The following UPRT variants were observed in gnomAD, a reference collection of about 807,000 sequenced individuals.
UPRT encodes RP11-311P8.3.
UPRT carries 5 observed loss-of-function variants against 22.6 expected under a neutral mutation model. The ratio of observed to expected loss-of-function variants is 0.22; its 90% CI spans 0.12 to 0.47. The LOEUF is 0.47. UPRT is among the 20% of genes least tolerant of loss of function. The pLI, the probability that UPRT is intolerant of heterozygous loss-of-function variation, is 0.99. For missense variants in UPRT, 181 were observed against 239.9 expected (o/e 0.75, Z 1.62); for synonymous variants, 77 against 87.7 (o/e 0.88, Z 0.68).
chrX:75,206,169 G>A (rs1342412438), intron 4 of UPRT, among the ~76,000 whole-genome samples: 1 of 13,684 alleles, frequency 7.3e-5, no homozygotes, highest in Non-Finnish European at 0.01. Context: ...TTAAACTGGG[G>A]GATAATATGG....
chrX:75,178,821 T>C lies in UPRT; in HGVS notation c.-447+10942T>C, dbSNP rs138500336. Among the ~76,000 whole-genome samples the C allele has an allele frequency of 4.5e-3, 493 of 110,417 alleles. 2 individuals carry two copies. Among genetic ancestry groups the C allele is most frequent in the African/African-American group, 0.015 (466 of 30,319 alleles). On this transcript the variant is annotated intron_variant, in intron 4 of 13. Transcript: ENST00000652605. Reference sequence around the variant, plus strand: ...CAGTAGCAAGATTTATTGTAAAGAGTGAAAGAACAAAGCTTCCACAGTGTG... The same window carrying C: ...CAGTAGCAAGATTTATTGTAAAGAGCGAAAGAACAAAGCTTCCACAGTGTG...
At chrX:75,218,823 G>A (rs963425988) in intron 4 of UPRT, among the ~76,000 whole-genome samples, 2 of 109,035 alleles carry the variant, frequency 1.8e-5, no homozygotes, top group Non-Finnish European at 3.8e-5. Flanking sequence ...TCACTGATAG[G>A]TGGGAATTGA....
At chrX:75,280,034 A>G (rs1269504905) in intron 1 of UPRT, among the ~76,000 whole-genome samples, 1 of 109,944 alleles carries the variant, frequency 9.1e-6, no homozygotes, top group African/African-American at 3.3e-5. Flanking sequence ...TATGTATTCC[A>G]TCATATATAT....
At chrX:75,229,787 G>A (rs2082432730) in intron 4 of UPRT, among the ~76,000 whole-genome samples, 1 of 112,141 alleles carries the variant, frequency 8.9e-6, no homozygotes, top group Admixed American at 9.5e-5. Context: ...GGGAAGGGAT[G>A]GCAGCCAGCA....
At chrX:75,184,382 T>G (rs1306894628) in intron 4 of UPRT, among the ~76,000 whole-genome samples, 31 of 106,444 alleles carry the variant, frequency 2.9e-4, no homozygotes, top group Middle Eastern at 9.6e-3. Context: ...CATTGATCTA[T>G]ATCTCTGTTT....
chrX:75,167,554 T>A (rs1240195400), intron 3 of UPRT, among the ~76,000 whole-genome samples: 1 of 111,996 alleles, frequency 8.9e-6, no homozygotes, highest in African/African-American at 3.2e-5. Flanking sequence ...GGTGAATTGA[T>A]TTTTGTGTAG....
intron 4 of UPRT, among the ~76,000 whole-genome samples, chrX:75,175,369 C>G (rs904328443): frequency 3.6e-5 from 4 of 112,144 alleles, no homozygotes; most frequent in Non-Finnish European, 7.5e-5. Context: ...AGCAAAGTCT[C>G]CCAATTACAA....
chrX:75,295,727 C>A (rs1303647350), intron 2 of UPRT, among the ~76,000 whole-genome samples: 1 of 111,700 alleles, frequency 9.0e-6, no homozygotes, highest in East Asian at 2.8e-4. Context: ...TTTTTGGAGG[C>A]TCTTGTAGTA....
intron 4 of UPRT, among the ~76,000 whole-genome samples, chrX:75,235,745 C>T (rs899948563): frequency 8.9e-6 from 1 of 111,826 alleles, no homozygotes; most frequent in Non-Finnish European, 1.9e-5. Flanking sequence ...CAAAATTCAA[C>T]AACGCTTCAT....
intron 4 of UPRT, among the ~76,000 whole-genome samples, chrX:75,196,965 C>A (rs1002843866): frequency 2.1e-4 from 23 of 111,645 alleles, no homozygotes; most frequent in African/African-American, 7.5e-4. Context: ...AATCGGGCTT[C>A]GTTTTTTGCA....
chrX:75,216,495 T>C (rs914052361), intron 4 of UPRT, among the ~76,000 whole-genome samples: 1 of 112,456 alleles, frequency 8.9e-6, no homozygotes, highest in Non-Finnish European at 1.9e-5. Flanking sequence ...TCGTGGGTTG[T>C]GGTGCTGGTG....
chrX:75,189,106 C>G (rs1241977132), intron 4 of UPRT, among the ~76,000 whole-genome samples: 1 of 112,473 alleles, frequency 8.9e-6, no homozygotes, highest in Non-Finnish European at 1.9e-5. Flanking sequence ...CCTGCTTTCT[C>G]TTGTGGGCAT....
intron 1 of UPRT, among the ~76,000 whole-genome samples, chrX:75,278,782 G>C (rs868836452): frequency 9.0e-6 from 1 of 111,631 alleles, no homozygotes; most frequent in South Asian, 3.8e-4. Flanking sequence ...AGCAATGTTA[G>C]AGTATGTCAG....
In UPRT at chrX:75,274,196, A is replaced by G. The variant is rs2082620866; in HGVS notation, c.-59A>G. On this transcript the variant is annotated 5_prime_UTR_variant, in exon 1 of 7. Coordinates refer to ENST00000373383, the MANE Select transcript of UPRT (RefSeq NM_145052.4). ...GAGCACGTGAGCATCTGTCCTTTCTACCCGTTCCTCTTTATCTTTAGTGTT... is the reference window on the plus strand; with the variant it reads ...GAGCACGTGAGCATCTGTCCTTTCTGCCCGTTCCTCTTTATCTTTAGTGTT... 1 of 1,153,705 alleles carries G rather than the reference A, an allele frequency of 8.7e-7. No homozygotes were observed. The highest frequency in any genetic ancestry group is 2.1e-5 in the South Asian group (1 of 48,214).
At chrX:75,160,467 T>C (rs2082195685) in intron 1 of UPRT, among the ~76,000 whole-genome samples, 1 of 111,910 alleles carries the variant, frequency 8.9e-6, no homozygotes, top group African/African-American at 3.3e-5. Context: ...ATAAGGTGCA[T>C]TGCATAAAGA....
At chrX:75,173,180 G>C (rs191420723) in intron 4 of UPRT, among the ~76,000 whole-genome samples, 2 of 111,998 alleles carry the variant, frequency 1.8e-5, no homozygotes, top group Non-Finnish European at 3.8e-5. Context: ...AGTGTCGATT[G>C]GTGCATTCAC....
chrX:75,189,961 C>T (rs1220767922), intron 4 of UPRT, among the ~76,000 whole-genome samples: 1 of 111,949 alleles, frequency 8.9e-6, no homozygotes. Flanking sequence ...TCAATTGAAG[C>T]ATTTAGCCCA....
At chrX:75,161,012 CACAT>C (rs1185181551) in intron 2 of UPRT, among the ~76,000 whole-genome samples, 1 of 112,144 alleles carries the variant, frequency 8.9e-6, no homozygotes, top group Non-Finnish European at 1.9e-5. Context: ...AATATATAAA[CACAT>C]ACACACATGT....
intron 2 of UPRT, among the ~76,000 whole-genome samples, chrX:75,161,023 A>G (rs1218671784): frequency 8.9e-6 from 1 of 112,557 alleles, no homozygotes; most frequent in Non-Finnish European, 1.9e-5. Context: ...ACATACACAC[A>G]TGTTTATTAC....
Sources: allele counts gnomAD v4.1 joint callset (sites outside exome capture counted in the v4.1 genomes callset), GRCh38; gene constraint gnomAD v4.1.1; transcripts MANE v1.5; gene names NCBI Gene and HGNC (gene_info 2026-07-23, HGNC 2026-07-21).